The following RGS8 variants were observed in gnomAD, a reference collection of about 807,000 sequenced individuals.
RGS8 encodes regulator of G-protein signaling 8.
In RGS8, 8 loss-of-function variants were observed where a neutral mutation model predicts 21.7. The observed-to-expected ratio is 0.37, with a 90% CI of 0.22 to 0.66. RGS8 has a LOEUF of 0.66. Ranked by LOEUF, RGS8 falls within the 30% of genes least tolerant of loss-of-function variation. The pLI is 0.59. For synonymous variants in RGS8, 80 were observed against 83.6 expected (o/e 0.96, Z 0.24); for missense variants, 157 against 217.9 (o/e 0.72, Z 1.76).
At chr1:182,696,967 T>C in the RGS8 span, among the ~76,000 whole-genome samples, 2 of 152,210 alleles carry the variant, frequency 1.3e-5, no homozygotes, top group Non-Finnish European at 2.9e-5. Flanking sequence ...GCCACATGTT[T>C]CTTATCATCT....
the RGS8 span, among the ~76,000 whole-genome samples, chr1:182,741,949 G>A: frequency 3.0e-5 from 4 of 131,924 alleles, no homozygotes; most frequent in South Asian, 2.5e-4. Flanking sequence ...CCCAGACGGG[G>A]TGGCTGCTGG....
intron 5 of RGS8, among the ~76,000 whole-genome samples, chr1:182,655,029 A>G (rs1381475384): frequency 6.6e-6 from 1 of 152,216 alleles, no homozygotes; most frequent in Non-Finnish European, 1.5e-5. Flanking sequence ...CACCGCACCT[A>G]GTGGTTTATG....
the RGS8 span, among the ~76,000 whole-genome samples, chr1:182,747,663 C>T: frequency 1.3e-5 from 2 of 152,150 alleles, no homozygotes; most frequent in Admixed American, 6.5e-5. Flanking sequence ...AGGCATCAAG[C>T]GGTTCCCTTC....
the RGS8 span, among the ~76,000 whole-genome samples, chr1:182,746,830 T>C: frequency 6.6e-6 from 1 of 152,108 alleles, no homozygotes; most frequent in South Asian, 2.1e-4. Context: ...ACAGATCCCA[T>C]TTAAACAAAA....
At chr1:182,749,059 G>A in the RGS8 span, among the ~76,000 whole-genome samples, 1 of 152,220 alleles carries the variant, frequency 6.6e-6, no homozygotes, top group South Asian at 2.1e-4. Flanking sequence ...TCTTCTATCT[G>A]TTATTTCTTT....
At chr1:182,703,407 A>C in the RGS8 span, among the ~76,000 whole-genome samples, 1 of 152,218 alleles carries the variant, frequency 6.6e-6, no homozygotes, top group African/African-American at 2.4e-5. Flanking sequence ...ACCTGATGAG[A>C]TAGCAAATAG....
the RGS8 span, among the ~76,000 whole-genome samples, chr1:182,720,737 A>G: frequency 1.3e-5 from 2 of 151,800 alleles, no homozygotes; most frequent in Admixed American, 6.6e-5. Context: ...GTGCTCATCA[A>G]TATCCTTCCT....
At chr1:182,746,213 G>A in the RGS8 span, among the ~76,000 whole-genome samples, 3 of 152,044 alleles carry the variant, frequency 2.0e-5, no homozygotes, top group Non-Finnish European at 4.4e-5. Flanking sequence ...CCACCAATCC[G>A]CTGCTATCCT....
chr1:182,719,720 C>T, the RGS8 span, among the ~76,000 whole-genome samples: 1 of 151,052 alleles, frequency 6.6e-6, no homozygotes, highest in Non-Finnish European at 1.5e-5. Flanking sequence ...TGAGCCACCA[C>T]ACCCGACTAT....
chr1:182,703,165 A>C, the RGS8 span, among the ~76,000 whole-genome samples: 1 of 152,218 alleles, frequency 6.6e-6, no homozygotes, highest in South Asian at 2.1e-4. Context: ...AATTTTGCAA[A>C]GATTCCTTAC....
rs555812106 is a variant in RGS8 at position 182,656,281 on chromosome 1, G to A, written c.194-7978C>T. ...CTGGCAGGCCTCCAAAGGAGAGACG[G>A]ACTGTAAGCCCAAATCAGGCAAACA... On this transcript the variant is annotated intron_variant, in intron 5 of 6. Transcript: ENST00000483095. 4.6e-5 allele frequency among the ~76,000 whole-genome samples: 7 copies of A among 152,216 alleles called. No homozygotes were observed. In the South Asian group the frequency reaches 1.2e-3, roughly 27 times the overall value.
At chr1:182,701,154 C>T in the RGS8 span, among the ~76,000 whole-genome samples, 19 of 152,168 alleles carry the variant, frequency 1.2e-4, no homozygotes, top group African/African-American at 1.9e-4. Context: ...TGGCATGGGG[C>T]GGAATAGCAG....
chr1:182,684,195 T>C lies in RGS8; in HGVS notation n.221+161A>G, dbSNP rs1482675039. ...CTCCTGGCGGAGGTGGCGGGCTTAATAGCTCTGAGGAGTCAGAGAGTAAAT... is the reference window on the plus strand; with the variant it reads ...CTCCTGGCGGAGGTGGCGGGCTTAACAGCTCTGAGGAGTCAGAGAGTAAAT... On this transcript the variant is annotated intron_variant and non_coding_transcript_variant, in intron 1 of 4. Coordinates refer to the RGS8 transcript ENST00000515211. The surrounding 1 kb of genome is among the most constrained non-coding windows in gnomAD (Gnocchi z 4.2). 6.6e-6 allele frequency among the ~76,000 whole-genome samples: 1 copy of C among 152,206 alleles called. No individual in the cohort carries two copies. Among genetic ancestry groups the C allele is most frequent in the Non-Finnish European group, 1.5e-5 (1 of 68,032 alleles).
At chr1:182,703,724 A>C in the RGS8 span, among the ~76,000 whole-genome samples, 1 of 152,244 alleles carries the variant, frequency 6.6e-6, no homozygotes, top group Non-Finnish European at 1.5e-5. Context: ...ATTTGTTTAC[A>C]CAAGTGCATT....
the RGS8 span, among the ~76,000 whole-genome samples, chr1:182,707,107 G>A: frequency 0.38 from 58,387 of 151,766 alleles, 11,302 homozygotes; most frequent in African/African-American, 0.44. Flanking sequence ...GCATTGAGCC[G>A]AGATCGCACC....
chr1:182,642,600 G>T (rs940744174), downstream of RGS8: 9 of 152,476 alleles, frequency 5.9e-5, no homozygotes, highest in Non-Finnish European at 2.9e-5. Flanking sequence ...GCACAGTTAA[G>T]TTCACGGCTT....
intron 5 of RGS8, among the ~76,000 whole-genome samples, chr1:182,657,675 C>T (rs12403929): frequency 0.035 from 5,281 of 152,280 alleles, 181 homozygotes; most frequent in East Asian, 0.13. Flanking sequence ...GGGCAAGAGA[C>T]TTAACATCTC....
chr1:182,672,828 T>C (rs780728089), upstream of RGS8: 21 of 1,614,028 alleles, frequency 1.3e-5, no homozygotes, highest in Admixed American at 6.7e-5. Context: ...CCCACATGGG[T>C]CTTCACACTG....
the RGS8 span, among the ~76,000 whole-genome samples, chr1:182,698,053 C>T: frequency 3.9e-5 from 6 of 152,196 alleles, no homozygotes; most frequent in Non-Finnish European, 8.8e-5. Context: ...GCTGTCCTCC[C>T]TTGACTTTTT....
Sources: allele counts gnomAD v4.1 joint callset (sites outside exome capture counted in the v4.1 genomes callset), GRCh38; gene constraint gnomAD v4.1.1; non-coding constraint Gnocchi (gnomAD v3.1); transcripts MANE v1.5; gene names NCBI Gene and HGNC (gene_info 2026-07-23, HGNC 2026-07-21).